RERE: variants seen among roughly 807,000 people sequenced by gnomAD.
RERE encodes arginine-glutamic acid dipeptide repeats protein.
RERE carries 40 observed loss-of-function variants against 146.1 expected under a neutral mutation model. That is an observed-to-expected ratio of 0.27 (90% confidence interval 0.21 to 0.36). RERE has a LOEUF of 0.36. RERE is among the 10% of genes least tolerant of loss of function. RERE has a pLI of 1.00. For missense variants in RERE, 1,933 were observed against 2,138.7 expected, an observed-to-expected ratio of 0.90 and a Z score of 1.90; for synonymous variants, 1,003 against 866.0, an observed-to-expected ratio of 1.16 and a Z score of -2.78.
At chr1:8,614,197 A>G (rs982617546) in intron 4 of RERE, among the ~76,000 whole-genome samples, 1 of 152,138 alleles carries the variant, frequency 6.6e-6, no homozygotes, top group Non-Finnish European at 1.5e-5. Context: ...ATGAGTCCCA[A>G]TGAGCCTGGG....
At chr1:8,502,748 A>G (rs1645191645) in intron 8 of RERE, among the ~76,000 whole-genome samples, 2 of 148,646 alleles carry the variant, frequency 1.3e-5, no homozygotes, top group Admixed American at 6.7e-5. Flanking sequence ...TACTAAGAAA[A>G]ATTCTTCTGC....
chr1:8,646,578 T>C (rs975616146), intron 2 of RERE, among the ~76,000 whole-genome samples: 1 of 151,742 alleles, frequency 6.6e-6, no homozygotes, highest in Non-Finnish European at 1.5e-5. Context: ...AGGGTCATCA[T>C]TGCCAATGTA....
chr1:8,741,634 C>T (rs894663622), intron 1 of RERE, among the ~76,000 whole-genome samples: 2 of 152,202 alleles, frequency 1.3e-5, no homozygotes, highest in African/African-American at 4.8e-5. Context: ...AGATGCCTTG[C>T]TTTCCCTTCA....
intron 4 of RERE, among the ~76,000 whole-genome samples, chr1:8,591,825 C>T (rs753611771): frequency 6.6e-5 from 10 of 152,216 alleles, no homozygotes; most frequent in Non-Finnish European, 1.2e-4. Flanking sequence ...TCTTGTGAAA[C>T]ACATCTAACG....
intron 7 of RERE, among the ~76,000 whole-genome samples, chr1:8,522,350 T>C (rs78220754): frequency 0.013 from 2,017 of 152,304 alleles, 43 homozygotes; most frequent in African/African-American, 0.046. Context: ...GACAACTCGG[T>C]TGAGTAACAA....
At chr1:8,775,886 G>T (rs576902455) in intron 1 of RERE, among the ~76,000 whole-genome samples, 40 of 152,242 alleles carry the variant, frequency 2.6e-4, no homozygotes, top group African/African-American at 9.4e-4. Flanking sequence ...GGCCCAGGGA[G>T]GTTAAGTAAC....
chr1:8,683,943 AAATC>A (rs952537988), intron 1 of RERE, among the ~76,000 whole-genome samples: 1 of 152,176 alleles, frequency 6.6e-6, no homozygotes, highest in East Asian at 1.9e-4. Context: ...ACTCCATCTC[AAATC>A]AATCAATCAA....
intron 1 of RERE, among the ~76,000 whole-genome samples, chr1:8,812,044 C>T (rs747075701): frequency 6.6e-6 from 1 of 152,136 alleles, no homozygotes; most frequent in Admixed American, 6.5e-5. Context: ...AGGCCTGGCT[C>T]GTACGGCTTA....
intron 1 of RERE, among the ~76,000 whole-genome samples, chr1:8,815,361 A>ATCTATT (rs1557559627): frequency 1.3e-5 from 2 of 152,222 alleles, no homozygotes; most frequent in Non-Finnish European, 2.9e-5. Flanking sequence ...AATCAATAAA[A>ATCTATT]TCTATTTCTA....
chr1:8,794,294 C>A (rs1641423014), intron 1 of RERE, among the ~76,000 whole-genome samples: 2 of 125,378 alleles, frequency 1.6e-5, no homozygotes, highest in Non-Finnish European at 3.2e-5. Context: ...AATGGCAGAG[C>A]TTGTAGTGAG....
chr1:8,681,645 A>G (rs1377731213), intron 1 of RERE, among the ~76,000 whole-genome samples: 3 of 152,232 alleles, frequency 2.0e-5, no homozygotes, highest in Non-Finnish European at 4.4e-5. Context: ...ATTAGGTAAC[A>G]CTTTAAGTTC....
chr1:8,696,845 G>T (rs1164918555), intron 1 of RERE, among the ~76,000 whole-genome samples: 2 of 152,092 alleles, frequency 1.3e-5, no homozygotes, highest in African/African-American at 4.8e-5. Flanking sequence ...AGGAGGCAGA[G>T]ATTATAGAGA....
At chr1:8,374,108 C>A (rs975858575) in intron 12 of RERE, among the ~76,000 whole-genome samples, 5 of 152,306 alleles carry the variant, frequency 3.3e-5, no homozygotes, top group Middle Eastern at 3.4e-3. Flanking sequence ...CAGCCTCCTA[C>A]GTTCAAGAGG....
At chr1:8,496,625 A>G (rs2124239853) in intron 9 of RERE, among the ~76,000 whole-genome samples, 1 of 152,302 alleles carries the variant, frequency 6.6e-6, no homozygotes, top group South Asian at 2.1e-4. Flanking sequence ...ACTACATACA[A>G]AGTCTGCCTG....
At chr1:8,528,410 A>T (rs1347399908) in intron 7 of RERE, among the ~76,000 whole-genome samples, 1 of 152,122 alleles carries the variant, frequency 6.6e-6, no homozygotes, top group African/African-American at 2.4e-5. Flanking sequence ...ACTATATCAT[A>T]TTGTATTAAT....
intron 1 of RERE, among the ~76,000 whole-genome samples, chr1:8,757,984 A>G (rs1009222254): frequency 3.3e-5 from 5 of 152,088 alleles, no homozygotes; most frequent in African/African-American, 1.2e-4. Flanking sequence ...ACTTGCAACA[A>G]TATGGATGAA....
chr1:8,516,227 G>GAAAAAAAAAAAAAAAAAAAA lies in RERE; in HGVS notation c.831-7572_831-7553dup, dbSNP rs58064164. ...GGGACGGAGCAAGACTCTCTCAGAG[G>GAAAAAAAAAAAAAAAAAAAA]AAAAAAAAAAAAAAAAAAAAAATCT... On this transcript the variant is annotated intron_variant, in intron 7 of 22. Transcript: ENST00000400908. Among the ~76,000 whole-genome samples the GAAAAAAAAAAAAAAAAAAAA allele has an allele frequency of 1.6e-3, 83 of 52,306 alleles. 10 individuals carry two copies. Among genetic ancestry groups the GAAAAAAAAAAAAAAAAAAAA allele is most frequent in the Non-Finnish European group, 2.0e-3 (60 of 30,648 alleles). The allele number at this position is 52,306 out of a possible 152,430, so 34.3% of individuals were successfully genotyped here.
At chr1:8,647,866 T>C (rs1647403029) in intron 2 of RERE, among the ~76,000 whole-genome samples, 1 of 152,200 alleles carries the variant, frequency 6.6e-6, no homozygotes, top group African/African-American at 2.4e-5. Context: ...TGTTAAAATA[T>C]CGGGGACTCC....
chr1:8,800,099 C>T (rs1641558016), intron 1 of RERE, among the ~76,000 whole-genome samples: 1 of 152,082 alleles, frequency 6.6e-6, no homozygotes, highest in African/African-American at 2.4e-5. Context: ...CAGGCGTGAG[C>T]CACCGCACCT....
Sources: gnomAD v4.1 joint callset for allele counts (sites outside exome capture counted in the v4.1 genomes callset) on GRCh38, gnomAD v4.1.1 for gene constraint, MANE v1.5 for transcripts, NCBI Gene and HGNC (gene_info 2026-07-23, HGNC 2026-07-21) for gene names.